QTMAN: variants seen among roughly 807,000 people sequenced by gnomAD.
QTMAN encodes tRNA-queuosine alpha-mannosyltransferase.
chr2:144,207,084 T>C, the QTMAN span, among the ~76,000 whole-genome samples: 6 of 152,226 alleles, frequency 3.9e-5, no homozygotes, highest in South Asian at 1.2e-3. Flanking sequence ...ACAACTTTTA[T>C]ATCATCATGT....
At chr2:143,960,226 G>A in the QTMAN span, among the ~76,000 whole-genome samples, 6 of 152,030 alleles carry the variant, frequency 3.9e-5, no homozygotes, top group Non-Finnish European at 8.8e-5. Flanking sequence ...TGTATGATAA[G>A]TACACTGCAA....
At chr2:144,052,482 CATTT>C in the QTMAN span, among the ~76,000 whole-genome samples, 31 of 152,122 alleles carry the variant, frequency 2.0e-4, no homozygotes, top group Non-Finnish European at 3.8e-4. Context: ...ACTGCACATA[CATTT>C]ATTTAGTCTT....
At chr2:144,175,290 A>G in the QTMAN span, among the ~76,000 whole-genome samples, 2 of 152,192 alleles carry the variant, frequency 1.3e-5, no homozygotes, top group Non-Finnish European at 2.9e-5. Flanking sequence ...TACCTCAAGC[A>G]ATAGAGAACC....
the QTMAN span, among the ~76,000 whole-genome samples, chr2:144,292,300 G>A: frequency 1.7e-4 from 26 of 152,184 alleles, no homozygotes; most frequent in South Asian, 3.5e-3. Context: ...ATCATACAAG[G>A]CATTTAAGAC....
the QTMAN span, among the ~76,000 whole-genome samples, chr2:144,280,014 G>A: frequency 1.3e-5 from 2 of 152,162 alleles, no homozygotes; most frequent in East Asian, 1.9e-4. Flanking sequence ...TCAGCACAAA[G>A]AGAAAATGTT....
the QTMAN span, among the ~76,000 whole-genome samples, chr2:144,230,795 A>G: frequency 1.3e-5 from 2 of 152,140 alleles, no homozygotes; most frequent in African/African-American, 2.4e-5. Flanking sequence ...TCTTTGTTCA[A>G]TGTTAGTAAG....
the QTMAN span, among the ~76,000 whole-genome samples, chr2:144,062,311 A>C: frequency 6.6e-6 from 1 of 152,276 alleles, no homozygotes; most frequent in South Asian, 2.1e-4. Flanking sequence ...GACACCCATC[A>C]CAATACCCAC....
chr2:144,140,648 A>C, the QTMAN span, among the ~76,000 whole-genome samples: 1 of 152,066 alleles, frequency 6.6e-6, no homozygotes, highest in African/African-American at 2.4e-5. Context: ...TATAGTTTTC[A>C]AAACAGCAAA....
the QTMAN span, among the ~76,000 whole-genome samples, chr2:144,229,873 T>A: frequency 6.6e-6 from 1 of 152,178 alleles, no homozygotes; most frequent in Non-Finnish European, 1.5e-5. Flanking sequence ...AGAGGCTTCC[T>A]CTGTAAAACA....
chr2:144,167,077 G>A, the QTMAN span, among the ~76,000 whole-genome samples: 1 of 152,126 alleles, frequency 6.6e-6, no homozygotes, highest in Non-Finnish European at 1.5e-5. Flanking sequence ...TTCCCTTTGT[G>A]TTAAAGTAGG....
At chr2:144,058,143 C>T in the QTMAN span, among the ~76,000 whole-genome samples, 1 of 133,034 alleles carries the variant, frequency 7.5e-6, no homozygotes, top group South Asian at 2.4e-4. Context: ...AACACACACA[C>T]ACACACACAC....
the QTMAN span, among the ~76,000 whole-genome samples, chr2:144,189,345 A>G: frequency 6.6e-6 from 1 of 152,188 alleles, no homozygotes; most frequent in African/African-American, 2.4e-5. Context: ...GGGCAGGGCT[A>G]TCCCCTAAGG....
At chr2:144,115,758 G>T in the QTMAN span, among the ~76,000 whole-genome samples, 7 of 152,252 alleles carry the variant, frequency 4.6e-5, no homozygotes, top group Non-Finnish European at 7.4e-5. Flanking sequence ...TTATACACAG[G>T]TCATAACTGA....
chr2:144,110,535 T>C, the QTMAN span, among the ~76,000 whole-genome samples: 1 of 151,978 alleles, frequency 6.6e-6, no homozygotes, highest in African/African-American at 2.4e-5. Context: ...GAACTTAAAG[T>C]GTTATAAAAA....
the QTMAN span, among the ~76,000 whole-genome samples, chr2:143,962,191 G>A: frequency 1.3e-5 from 2 of 152,066 alleles, no homozygotes; most frequent in South Asian, 2.1e-4. Flanking sequence ...TGTGATACAT[G>A]CTTTGCAACT....
the QTMAN span, among the ~76,000 whole-genome samples, chr2:144,069,135 C>G: frequency 3.9e-5 from 6 of 152,028 alleles, no homozygotes; most frequent in Non-Finnish European, 7.4e-5. Context: ...ACATCCAATT[C>G]TTTCCTCTTT....
chr2:143,982,523 C>A, the QTMAN span, among the ~76,000 whole-genome samples: 1 of 151,712 alleles, frequency 6.6e-6, no homozygotes, highest in South Asian at 2.1e-4. Flanking sequence ...GCATGAGCCA[C>A]CATGCCTGGC....
At chr2:144,305,086 G>C in the QTMAN span, among the ~76,000 whole-genome samples, 16 of 152,034 alleles carry the variant, frequency 1.1e-4, no homozygotes, top group Non-Finnish European at 2.9e-5. Context: ...GTCTTTTAAA[G>C]TATAAAGTTT....
At chr2:144,061,870 A>G in the QTMAN span, among the ~76,000 whole-genome samples, 14 of 152,120 alleles carry the variant, frequency 9.2e-5, 1 homozygote, top group South Asian at 4.1e-4. Context: ...GCGTCTGAAC[A>G]TCGAGAGGAG....
Sources: allele counts gnomAD v4.1 joint callset (sites outside exome capture counted in the v4.1 genomes callset), GRCh38; gene constraint gnomAD v4.1.1; transcripts MANE v1.5; gene names NCBI Gene and HGNC (gene_info 2026-07-23, HGNC 2026-07-21).